NECTIN3: variants seen among roughly 807,000 people sequenced by gnomAD.
NECTIN3 encodes the protein nectin-3.
Under a neutral mutation model 49.4 loss-of-function variants are expected in NECTIN3, and 8 were observed. That is an observed-to-expected ratio of 0.16 (90% confidence interval 0.10 to 0.29). The LOEUF is 0.29. Ranked by LOEUF, NECTIN3 falls within the 10% of genes least tolerant of loss-of-function variation. The probability of loss-of-function intolerance (pLI) is 1.00; values close to 1 mark genes in which losing one functional copy is unlikely to be tolerated. For synonymous variants in NECTIN3, 277 were observed against 241.1 expected, an observed-to-expected ratio of 1.15 and a Z score of -1.38; for missense variants, 581 against 654.6, an observed-to-expected ratio of 0.89 and a Z score of 1.23.
intron 3 of NECTIN3, among the ~76,000 whole-genome samples, chr3:111,120,753 C>G (rs9882526): frequency 0.71 from 107,159 of 151,692 alleles, 43,511 homozygotes; most frequent in Non-Finnish European, 0.93. Context: ...GCTAGAGAGT[C>G]TCTGCATCAT....
chr3:111,097,580 G>A (rs780573372), intron 1 of NECTIN3, among the ~76,000 whole-genome samples: 1 of 152,128 alleles, frequency 6.6e-6, no homozygotes, highest in African/African-American at 2.4e-5. Flanking sequence ...CTGGTGGGAG[G>A]TAATTGAATC....
chr3:111,139,507 C>T (rs544517800), downstream of NECTIN3, among the ~76,000 whole-genome samples: 13 of 151,796 alleles, frequency 8.6e-5, no homozygotes, highest in Non-Finnish European at 1.9e-4. Context: ...AATTTGAGGG[C>T]AAGATTACAT....
intron 5 of NECTIN3, among the ~76,000 whole-genome samples, chr3:111,128,323 C>CA (rs879296773): frequency 0.01 from 863 of 84,398 alleles, 4 homozygotes; most frequent in East Asian, 0.026. Flanking sequence ...AACTCTGTCT[C>CA]AAAAAAAAAA....
intron 7 of NECTIN3, among the ~76,000 whole-genome samples, chr3:111,173,726 C>G (rs1020820241): frequency 1.3e-5 from 2 of 152,150 alleles, no homozygotes; most frequent in Admixed American, 6.5e-5. Flanking sequence ...CACGGCTATC[C>G]TTTCATAGAC....
chr3:111,072,515 G>A, intron 1 of NECTIN3: 1 of 1,535,944 alleles, frequency 6.5e-7, no homozygotes, highest in Non-Finnish European at 8.7e-7. Context: ...ACCCTCGTAG[G>A]TTAAGGTGCC....
At chr3:111,111,805 A>G (rs968120947) in intron 1 of NECTIN3, among the ~76,000 whole-genome samples, 16 of 151,856 alleles carry the variant, frequency 1.1e-4, no homozygotes, top group African/African-American at 3.9e-4. Context: ...TTTGGATCTC[A>G]TATCAAGCCC....
intron 7 of NECTIN3, among the ~76,000 whole-genome samples, chr3:111,159,794 T>A (rs2035173631): frequency 6.6e-6 from 1 of 152,240 alleles, no homozygotes; most frequent in South Asian, 2.1e-4. Context: ...TCTACCTTCC[T>A]TTCAACTTAA....
At chr3:111,076,676 A>T (rs75443313) in intron 1 of NECTIN3, among the ~76,000 whole-genome samples, 3,602 of 152,160 alleles carry the variant, frequency 0.024, 157 homozygotes, top group African/African-American at 0.082. Context: ...ATTTATTTAA[A>T]ATCTGTTGTG....
intron 4 of NECTIN3, among the ~76,000 whole-genome samples, chr3:111,124,733 A>C (rs570786678): frequency 6.6e-6 from 1 of 152,136 alleles, no homozygotes; most frequent in Admixed American, 6.5e-5. Flanking sequence ...AAATTATTCT[A>C]TCTGTTCTTC....
At chr3:111,165,711 T>C (rs1480998804) in intron 7 of NECTIN3, among the ~76,000 whole-genome samples, 6 of 152,200 alleles carry the variant, frequency 3.9e-5, no homozygotes, top group Non-Finnish European at 8.8e-5. Flanking sequence ...TTGGCTACTT[T>C]GCATGAGCAT....
chr3:111,161,706 C>T (rs1047036123), intron 7 of NECTIN3, among the ~76,000 whole-genome samples: 3 of 152,148 alleles, frequency 2.0e-5, no homozygotes, highest in Admixed American at 2.0e-4. Context: ...TACCCTGCTC[C>T]ATGGAAAAAA....
chr3:111,129,400 G>A (rs143285176), intron 5 of NECTIN3, among the ~76,000 whole-genome samples: 2,666 of 152,012 alleles, frequency 0.018, 73 homozygotes, highest in African/African-American at 0.06. Flanking sequence ...CAGAACGTAA[G>A]TCTAAACATA....
At chr3:111,166,325 G>T (rs2035318946) in intron 7 of NECTIN3, among the ~76,000 whole-genome samples, 1 of 151,996 alleles carries the variant, frequency 6.6e-6, no homozygotes, top group African/African-American at 2.4e-5. Flanking sequence ...TAGAAAGAGG[G>T]GAACAACATA....
intron 6 of NECTIN3, among the ~76,000 whole-genome samples, chr3:111,146,172 C>T (rs1275294327): frequency 6.6e-6 from 1 of 152,172 alleles, no homozygotes; most frequent in Admixed American, 6.5e-5. Flanking sequence ...CGGTGGCTCA[C>T]GCCTGTAATC....
chr3:111,117,776 G>GTACTGAGGAATTACACAGAAGCACC (rs1258480172), intron 2 of NECTIN3, among the ~76,000 whole-genome samples: 1 of 152,004 alleles, frequency 6.6e-6, no homozygotes, highest in Non-Finnish European at 1.5e-5. Context: ...TATGAAGTCA[G>GTACTGAGGAATTACACAGAAGCACC]TACTGAGGAA....
intron 1 of NECTIN3, among the ~76,000 whole-genome samples, chr3:111,085,796 T>C (rs1040924346): frequency 2.5e-4 from 38 of 152,168 alleles, no homozygotes; most frequent in African/African-American, 8.4e-4. Flanking sequence ...TTATTTTCAC[T>C]TTGAGGCTTT....
At chr3:111,091,057 GTA>G (rs1260377515) in intron 1 of NECTIN3, among the ~76,000 whole-genome samples, 2 of 152,056 alleles carry the variant, frequency 1.3e-5, no homozygotes, top group Non-Finnish European at 2.9e-5. Context: ...TTGGTTGTTA[GTA>G]TATTTATAGA....
At position 111,134,528 on chromosome 3, in the gene NECTIN3, T is replaced by A; in HGVS notation, c.*313T>A. 1 of 1,000,798 alleles carries A rather than the reference T, an allele frequency of 1.0e-6. No individual in the cohort carries two copies. The highest frequency in any genetic ancestry group is 1.2e-6 in the Non-Finnish European group (1 of 834,082). 62.0% of individuals were successfully genotyped at this position (1,000,798 alleles called of 1,614,324 possible). On this transcript the variant is annotated 3_prime_UTR_variant, in exon 6 of 6. Transcript: ENST00000485303. ...ATGTATGACTTACTTGGTACAAAAA[T>A]TTTTTAAAAAGGGAACTACCTTGAC...
At chr3:111,141,056 A>T (rs1473770126), downstream of NECTIN3, among the ~76,000 whole-genome samples, 1 of 151,942 alleles carries the variant, frequency 6.6e-6, no homozygotes, top group African/African-American at 2.4e-5. Flanking sequence ...GGCCTGACAC[A>T]TACTAGGTGC....
Sources: allele counts gnomAD v4.1 joint callset (sites outside exome capture counted in the v4.1 genomes callset), GRCh38; gene constraint gnomAD v4.1.1; transcripts MANE v1.5; gene names NCBI Gene and HGNC (gene_info 2026-07-23, HGNC 2026-07-21).